The following ETV6 variants were observed in gnomAD, a reference collection of about 807,000 sequenced individuals.
The protein encoded by ETV6 is ETS variant transcription factor 6.
In ETV6, 16 loss-of-function variants were observed where a neutral mutation model predicts 51.1. That is an observed-to-expected ratio of 0.31 (90% CI 0.21 to 0.48). The LOEUF is 0.48. Ranked by LOEUF, ETV6 falls within the 20% of genes least tolerant of loss-of-function variation. The probability of loss-of-function intolerance (pLI) is 0.99; values close to 1 mark genes in which losing one functional copy is unlikely to be tolerated. For synonymous variants in ETV6, 240 were observed against 224.1 expected, an observed-to-expected ratio of 1.07 and a Z score of -0.64; for missense variants, 458 against 594.8, an observed-to-expected ratio of 0.77 and a Z score of 2.39.
At chr12:11,650,698 C>G (rs1337618979) in intron 1 of ETV6, among the ~76,000 whole-genome samples, 3 of 152,024 alleles carry the variant, frequency 2.0e-5, no homozygotes. Context: ...TAATTGCAAG[C>G]GCTGTCGGAG....
At chr12:11,706,056 T>TC (rs1315546993) in intron 1 of ETV6, among the ~76,000 whole-genome samples, 1 of 152,122 alleles carries the variant, frequency 6.6e-6, no homozygotes, top group Non-Finnish European at 1.5e-5. Flanking sequence ...GGCTCAGAGG[T>TC]CCCCTGCCAG....
chr12:11,733,223 A>C (rs1165606725), intron 1 of ETV6, among the ~76,000 whole-genome samples: 2 of 152,122 alleles, frequency 1.3e-5, no homozygotes, highest in African/African-American at 2.4e-5. Context: ...CCTGGTTAAC[A>C]CAGTGAAACC....
At chr12:11,778,295 G>GT (rs1945362431) in intron 2 of ETV6, among the ~76,000 whole-genome samples, 4 of 152,220 alleles carry the variant, frequency 2.6e-5, no homozygotes, top group African/African-American at 9.6e-5. Flanking sequence ...TGGGCAGCCT[G>GT]GCGAGCGCAC....
chr12:11,849,353 C>T (rs1360469865), intron 3 of ETV6, among the ~76,000 whole-genome samples: 5 of 152,128 alleles, frequency 3.3e-5, no homozygotes, highest in Non-Finnish European at 2.9e-5. Flanking sequence ...CTCAAGTGAT[C>T]CTCCTGCCTC....
At chr12:11,753,107 C>G (rs1345480112) in intron 2 of ETV6, among the ~76,000 whole-genome samples, 1 of 151,950 alleles carries the variant, frequency 6.6e-6, no homozygotes, top group Non-Finnish European at 1.5e-5. Flanking sequence ...TCTCTCTTGC[C>G]TCCTCTTTCC....
At position 11,710,668 on chromosome 12, in the gene ETV6, G is replaced by A. The variant is rs1434617384; in HGVS notation, c.34-41782G>A. Among the ~76,000 whole-genome samples, 3 of 152,170 alleles carry A rather than the reference G, an allele frequency of 2.0e-5. No homozygotes were observed. In the East Asian group the frequency reaches 5.8e-4, roughly 29 times the overall value. On this transcript the variant is annotated intron_variant, in intron 1 of 7. Coordinates refer to ENST00000396373, the MANE Select transcript of ETV6 (RefSeq NM_001987.5). The stretch of plus-strand genomic sequence containing the variant: ...ATTATAGTGCGCCTATTGCCTTGGG[G>A]CCCTGCGCTCTGCTAGTTGATAGCT...
chr12:11,778,812 G>A (rs1035853945), intron 2 of ETV6, among the ~76,000 whole-genome samples: 3 of 152,204 alleles, frequency 2.0e-5, no homozygotes, highest in Admixed American at 6.5e-5. Flanking sequence ...GGAGCCCTCC[G>A]TGTGAGTGAT....
chr12:11,836,152 G>A (rs1254712993), intron 2 of ETV6, among the ~76,000 whole-genome samples: 2 of 152,168 alleles, frequency 1.3e-5, no homozygotes, highest in African/African-American at 4.8e-5. Flanking sequence ...AAGGTCTTAA[G>A]GGCTTTAGGT....
intron 2 of ETV6, among the ~76,000 whole-genome samples, chr12:11,780,333 C>A (rs997805): frequency 6.6e-6 from 1 of 152,232 alleles, no homozygotes; most frequent in African/African-American, 2.4e-5. Context: ...TAGCCTGTAT[C>A]CTTTTTTACT....
intron 1 of ETV6, among the ~76,000 whole-genome samples, chr12:11,683,225 G>C (rs1404485043): frequency 6.6e-6 from 1 of 152,146 alleles, no homozygotes; most frequent in East Asian, 1.9e-4. Flanking sequence ...TGTATTTTTA[G>C]TAGAGACGGG....
intron 2 of ETV6, among the ~76,000 whole-genome samples, chr12:11,795,833 T>C (rs1201637187): frequency 6.6e-6 from 1 of 152,224 alleles, no homozygotes; most frequent in African/African-American, 2.4e-5. Context: ...TTAAGAATAG[T>C]GTCCACTTCA....
intron 5 of ETV6, among the ~76,000 whole-genome samples, chr12:11,876,042 C>T (rs1413164948): frequency 6.6e-6 from 1 of 152,108 alleles, no homozygotes; most frequent in Non-Finnish European, 1.5e-5. Context: ...AGGATGCAGA[C>T]TTAGAAAACA....
Position 11,650,495 on chromosome 12 carries a change from ACAAAAAAC to A in ETV6, c.33+336_33+343del, listed in dbSNP as rs1192982045. On this transcript the variant is annotated intron_variant, in intron 1 of 7. Coordinates refer to ENST00000396373, the MANE Select transcript of ETV6 (RefSeq NM_001987.5). Reference sequence around the variant, plus strand: ...ATTAGTGCGCTTAAAAAAAAAAAAAACAAAAAACAAAAAAAAAAAACCTGCTCCCTATT... The same window carrying A: ...ATTAGTGCGCTTAAAAAAAAAAAAAAAAAAAAAAAAAACCTGCTCCCTATT... Among the ~76,000 whole-genome samples, 54 of 71,546 alleles carry A rather than the reference ACAAAAAAC, an allele frequency of 7.5e-4. 8 individuals are homozygous for A. Among genetic ancestry groups the A allele is most frequent in the African/African-American group, 1.1e-3 (31 of 26,958 alleles). The allele number at this position is 71,546 out of a possible 152,430, so 46.9% of individuals were successfully genotyped here.
At chr12:11,785,443 A>G (rs1001708122) in intron 2 of ETV6, among the ~76,000 whole-genome samples, 8 of 152,154 alleles carry the variant, frequency 5.3e-5, no homozygotes, top group Admixed American at 5.2e-4. Flanking sequence ...TTATTTACTT[A>G]GTGCCTGATT....
chr12:11,765,188 T>C (rs916125077), intron 2 of ETV6, among the ~76,000 whole-genome samples: 1 of 152,250 alleles, frequency 6.6e-6, no homozygotes, highest in African/African-American at 2.4e-5. Flanking sequence ...ATCCAGATTT[T>C]AGTGAACTAT....
rs1245345088 is a variant in ETV6 at position 11,752,506 on chromosome 12, G to A, written c.90G>A (p.Ser30=). ...PESPVPSYAS[S]TPLHVPVPRA... ...GCCCAGTGCCGAGTTACGCTTCCTCGACGCCACTTCATGTTCCAGTGCCTC... is the reference window on the plus strand; with the variant it reads ...GCCCAGTGCCGAGTTACGCTTCCTCAACGCCACTTCATGTTCCAGTGCCTC... The change falls in exon 2 of 8, where the codon TCG becomes TCA. Residue 30 remains serine, a synonymous_variant. Coordinates refer to ENST00000396373, the MANE Select transcript of ETV6 (RefSeq NM_001987.5). 8 of 1,613,880 alleles carry A rather than the reference G, an allele frequency of 5.0e-6. No homozygotes were observed. In the African/African-American group the frequency reaches 5.3e-5, roughly 11 times the overall value.
intron 2 of ETV6, among the ~76,000 whole-genome samples, chr12:11,793,622 A>G (rs1349724054): frequency 2.0e-5 from 3 of 152,220 alleles, no homozygotes; most frequent in African/African-American, 4.8e-5. Flanking sequence ...GATTCAACCC[A>G]GGTCGGACTC....
rs5796465 is a variant in ETV6, at chr12:11,777,239, CAAAAAAAA to C, written c.163+24676_163+24683del. 3.8e-3 allele frequency among the ~76,000 whole-genome samples: 297 copies of C among 78,880 alleles called. 2 individuals carry two copies. The highest frequency in any genetic ancestry group is 0.015 in the African/African-American group (282 of 18,658). The allele number at this position is 78,880 out of a possible 152,430, so 51.7% of individuals were successfully genotyped here. A position where few individuals can be genotyped will look rare whatever the true frequency, so the allele number is the denominator to read the frequency against. On this transcript the variant is annotated intron_variant, in intron 2 of 7. Transcript: ENST00000396373. ...TGGGTGACAGAGTGAGACTCCGTGTCAAAAAAAAAAAAAAAAAAAAAAATCACGTTTTT... is the reference window on the plus strand; with the variant it reads ...TGGGTGACAGAGTGAGACTCCGTGTCAAAAAAAAAAAAAAATCACGTTTTT...
chr12:11,695,677 G>T (rs957455108), intron 1 of ETV6, among the ~76,000 whole-genome samples: 3 of 152,166 alleles, frequency 2.0e-5, no homozygotes, highest in Admixed American at 6.5e-5. Context: ...CGCCTTCATG[G>T]CTGTCCTTGT....
Sources: allele counts gnomAD v4.1 joint callset (sites outside exome capture counted in the v4.1 genomes callset), GRCh38; gene constraint gnomAD v4.1.1; transcripts MANE v1.5; gene names NCBI Gene and HGNC (gene_info 2026-07-23, HGNC 2026-07-21).